Variants in MRPL43 observed in about 807,000 individuals in gnomAD.
MRPL43 encodes mitochondrial ribosomal protein L43.
Under a neutral mutation model 12.7 loss-of-function variants are expected in MRPL43, and 9 were observed. The observed-to-expected ratio is 0.71, with a 90% CI of 0.43 to 1.24. The LOEUF is 1.24. Ranked by LOEUF, MRPL43 falls within the 50% of genes most tolerant of loss-of-function variation. The probability of loss-of-function intolerance (pLI) is 0.00; values close to 1 mark genes in which losing one functional copy is unlikely to be tolerated. For missense variants in MRPL43, 211 were observed against 229.2 expected (o/e 0.92, Z 0.51); for synonymous variants, 116 against 96.4 (o/e 1.20, Z -1.19).
At chr10:100,980,845 T>C, downstream of MRPL43, 1 of 1,592,854 alleles carries the variant, frequency 6.3e-7, no homozygotes, top group Non-Finnish European at 8.5e-7. Flanking sequence ...TGGGGGCTCC[T>C]AGCGGAGTCA....
downstream of MRPL43, chr10:100,978,667 G>C: frequency 6.3e-7 from 1 of 1,593,634 alleles, no homozygotes; most frequent in East Asian, 2.2e-5. Context: ...ACAGGATGAT[G>C]GGGGGTAGGG....
chr10:100,987,367 A>G lies in MRPL43; in HGVS notation c.77T>C (p.Leu26Pro). The part of the protein sequence containing the change: ...HNGLGRYVQQ[L>P]QRLSFSVSRD... ...GCTGACGCTGAAGCTCAGACGCTGC[A>G]GCTGCTGCACATAGCGACCCAGTCC... Residue 26 changes from leucine to proline, a missense_variant, in exon 1 of 3, where the codon CTG (leucine) becomes CCG (proline). By Grantham distance (98) the Leu-to-Pro change is moderately conservative. Transcript: ENST00000318364. 1 of 1,612,654 alleles carries G rather than the reference A, an allele frequency of 6.2e-7. No individual in the cohort carries two copies. Among genetic ancestry groups the G allele is most frequent in the Non-Finnish European group, 8.5e-7 (1 of 1,179,920 alleles).
At chr10:100,983,983 G>A (rs781551217), downstream of MRPL43, 1 of 1,612,848 alleles carries the variant, frequency 6.2e-7, no homozygotes. Context: ...CGGCTGCGGA[G>A]GATGAATGGC....
chr10:100,984,121 GCT>G, downstream of MRPL43: 1 of 1,609,670 alleles, frequency 6.2e-7, no homozygotes, highest in Non-Finnish European at 8.5e-7. Context: ...CTAGATGAGA[GCT>G]CTGTCTGAGC....
intron 2 of MRPL43, 57 bp from the exon 3 acceptor site, chr10:100,987,032 G>C: frequency 6.2e-7 from 1 of 1,607,428 alleles, no homozygotes; most frequent in Non-Finnish European, 8.5e-7. Context: ...AAGCGAGAAG[G>C]AGGATAGCGG....
downstream of MRPL43, chr10:100,983,924 CCCACCGCCA>C: frequency 3.8e-6 from 6 of 1,593,528 alleles, no homozygotes; most frequent in Non-Finnish European, 5.1e-6. Context: ...CCCCACCGCC[CCCACCGCCA>C]CCGGCTGAGC....
rs1851549360 is a variant in MRPL43 at position 100,987,128 on chromosome 10, G to C, written c.200C>G (p.Ser67Trp). The change falls in exon 2 of 3, where the codon TCG becomes TGG. Residue 67 changes from serine (S) to tryptophan (W), a missense_variant. By Grantham distance (177) the Ser-to-Trp change is radical. Transcript: ENST00000318364. ...TACTCTGGGCACGCAGCACGGACGCGAGTTTACATATATTACGACCCCTGG... is the reference window on the plus strand; with the variant it reads ...TACTCTGGGCACGCAGCACGGACGCCAGTTTACATATATTACGACCCCTGG... Reference protein sequence around the residue: ...RNPGVVIYVNSRPCCVPRVVA... With the variant: ...RNPGVVIYVNWRPCCVPRVVA... The C allele has an allele frequency of 5.6e-6, 9 of 1,613,752 alleles. No homozygotes were observed. Among genetic ancestry groups the C allele is most frequent in the Non-Finnish European group, 7.6e-6 (9 of 1,180,040 alleles).
At chr10:100,981,546 G>T (rs1851075875), downstream of MRPL43, 3 of 1,613,804 alleles carry the variant, frequency 1.9e-6, no homozygotes, top group Non-Finnish European at 2.5e-6. Context: ...ACTGATATCT[G>T]AAGAAAGAAC....
At chr10:100,984,198 C>T, downstream of MRPL43, 1 of 1,527,682 alleles carries the variant, frequency 6.5e-7, no homozygotes, top group Admixed American at 2.0e-5. Context: ...CCACTGCCTC[C>T]CTAACACAGC....
At chr10:100,977,850 T>TG, downstream of MRPL43, 1 of 843,220 alleles carries the variant, frequency 1.2e-6, no homozygotes. Flanking sequence ...TTAAGGGGAC[T>TG]TCCATACAGG....
downstream of MRPL43, chr10:100,979,040 G>A (rs147873666): frequency 2.5e-6 from 4 of 1,613,398 alleles, no homozygotes; most frequent in Non-Finnish European, 3.4e-6. Flanking sequence ...TGACGTTGGG[G>A]CACGGGTATA....
chr10:100,980,223 C>G (rs565104337), downstream of MRPL43: 1 of 1,614,228 alleles, frequency 6.2e-7, no homozygotes, highest in South Asian at 1.1e-5. Context: ...TGGCTCGGCC[C>G]GTTGTGCCCA....
At chr10:100,980,625 A>G, downstream of MRPL43, 2 of 1,614,246 alleles carry the variant, frequency 1.2e-6, no homozygotes, top group Non-Finnish European at 1.7e-6. Flanking sequence ...TGGGATGCAC[A>G]TTATTGAAGA....
At chr10:100,983,932 C>A, downstream of MRPL43, 1 of 1,606,710 alleles carries the variant, frequency 6.2e-7, no homozygotes, top group Non-Finnish European at 8.5e-7. Context: ...CCCCCACCGC[C>A]ACCGGCTGAG....
chr10:100,987,039 G>A, intron 2 of MRPL43, 51 bp downstream of exon 2: 1 of 1,608,218 alleles, frequency 6.2e-7, no homozygotes, highest in Non-Finnish European at 8.5e-7. Flanking sequence ...AAGGAGGATA[G>A]CGGGTCGAGC....
At chr10:100,980,179 C>T, downstream of MRPL43, 1 of 1,614,264 alleles carries the variant, frequency 6.2e-7, no homozygotes, top group Non-Finnish European at 8.5e-7. Flanking sequence ...CTTGCCATCC[C>T]TGGTCCTGGA....
At chr10:100,980,163 C>G (rs1210217429), downstream of MRPL43, 1 of 1,614,124 alleles carries the variant, frequency 6.2e-7, no homozygotes, top group Non-Finnish European at 8.5e-7. Flanking sequence ...ACAATTCATC[C>G]CAAGACTTGC....
At chr10:100,983,314 C>T, downstream of MRPL43, 1 of 1,546,054 alleles carries the variant, frequency 6.5e-7, no homozygotes, top group Non-Finnish European at 8.7e-7. Context: ...GGGCCACCAC[C>T]ACCACTGAAG....
At chr10:100,983,231 T>C (rs753218894), downstream of MRPL43, 36 of 1,439,542 alleles carry the variant, frequency 2.5e-5, no homozygotes, top group Non-Finnish European at 3.3e-5. Flanking sequence ...GACTTGGCAG[T>C]GAACAGTCTG....
Sources: allele counts gnomAD v4.1 joint callset, GRCh38; gene constraint gnomAD v4.1.1; transcripts MANE v1.5; gene names NCBI Gene and HGNC (gene_info 2026-07-23, HGNC 2026-07-21).